The following PTPRM variants were observed in gnomAD, a reference collection of about 807,000 sequenced individuals.
PTPRM encodes the protein receptor-type tyrosine-protein phosphatase mu.
PTPRM carries 47 observed loss-of-function variants against 186.7 expected under a neutral mutation model. The ratio of observed to expected loss-of-function variants is 0.25; its 90% confidence interval spans 0.20 to 0.32. The LOEUF is 0.32. Among genes scored for constraint, PTPRM ranks in the 10% least tolerant of loss-of-function variants. The pLI is 1.00. For missense variants in PTPRM, 1,494 were observed against 1,865.0 expected (o/e 0.80, Z 3.66); for synonymous variants, 668 against 674.9 (o/e 0.99, Z 0.16).
intron 1 of PTPRM, among the ~76,000 whole-genome samples, chr18:7,617,434 C>T (rs553117711): frequency 1.9e-4 from 29 of 152,202 alleles, no homozygotes; most frequent in African/African-American, 6.5e-4. Flanking sequence ...CACCTTTCTC[C>T]TCTGTTAATC....
In PTPRM at chr18:7,650,107, T is replaced by C. The variant is rs542490178; in HGVS notation, c.73+82216T>C. Among the ~76,000 whole-genome samples the C allele has an allele frequency of 4.6e-5, 7 of 152,270 alleles. No individual in the cohort carries two copies. The South Asian group carries it at 1.5e-3, about 32-fold the overall frequency. On this transcript the variant is annotated intron_variant, in intron 1 of 32. Coordinates refer to ENST00000580170, the MANE Select transcript of PTPRM (RefSeq NM_001105244.2). Reference sequence around the variant, plus strand: ...GTATCTGTGCGGATTACTGGTACAGTATTCAGGGGATGCAGAGCTCTTAGA... The same window carrying C: ...GTATCTGTGCGGATTACTGGTACAGCATTCAGGGGATGCAGAGCTCTTAGA...
At chr18:7,659,985 C>T (rs2038941558) in intron 1 of PTPRM, among the ~76,000 whole-genome samples, 1 of 152,148 alleles carries the variant, frequency 6.6e-6, no homozygotes, top group African/African-American at 2.4e-5. Flanking sequence ...CTCCATCCAG[C>T]CTTCTGGAGG....
intron 15 of PTPRM, 145 bp from the exon 16 acceptor site, chr18:8,247,700 A>G: frequency 1.6e-6 from 1 of 613,150 alleles, no homozygotes; most frequent in South Asian, 2.1e-5. Flanking sequence ...AACAACTGGG[A>G]ATGATGATAT....
intron 4 of PTPRM, among the ~76,000 whole-genome samples, chr18:7,911,604 A>G (rs2050266808): frequency 6.6e-6 from 1 of 152,158 alleles, no homozygotes; most frequent in Non-Finnish European, 1.5e-5. Flanking sequence ...AAGAGGTTTT[A>G]TATATCTACA....
chr18:7,583,764 G>A (rs143507234), intron 1 of PTPRM, among the ~76,000 whole-genome samples: 1 of 152,254 alleles, frequency 6.6e-6, no homozygotes, highest in Non-Finnish European at 1.5e-5. Flanking sequence ...AATTTCTTGT[G>A]TTTTCCATCC....
rs568327902 is a variant in PTPRM at position 8,185,144 on chromosome 18, A to C, written c.2300+41365A>C. Among the ~76,000 whole-genome samples, 250 of 146,432 alleles carry C rather than the reference A, an allele frequency of 1.7e-3. 1 individual carries two copies. The highest frequency in any genetic ancestry group is 5.9e-3 in the African/African-American group (233 of 39,476). On this transcript the variant is annotated intron_variant, in intron 14 of 32. Coordinates refer to ENST00000580170, the MANE Select transcript of PTPRM (RefSeq NM_001105244.2). Reference sequence around the variant, plus strand: ...GAATTAAACCCACTAATTTCATCTGATTACTAATTGTTAAAAAAAATAAAA... The same window carrying C: ...GAATTAAACCCACTAATTTCATCTGCTTACTAATTGTTAAAAAAAATAAAA...
intron 14 of PTPRM, among the ~76,000 whole-genome samples, chr18:8,209,578 T>C (rs1213688472): frequency 6.6e-6 from 1 of 152,084 alleles, no homozygotes; most frequent in Admixed American, 6.5e-5. Flanking sequence ...TGGATTTAAT[T>C]GTGTCCCCCC....
intron 4 of PTPRM, among the ~76,000 whole-genome samples, chr18:7,918,962 C>T (rs1160897434): frequency 6.6e-6 from 1 of 152,104 alleles, no homozygotes; most frequent in African/African-American, 2.4e-5. Context: ...TTTGATTTGA[C>T]TTCTGTAGAT....
intron 4 of PTPRM, among the ~76,000 whole-genome samples, chr18:7,919,069 C>T (rs1037703867): frequency 1.3e-5 from 2 of 152,094 alleles, no homozygotes; most frequent in African/African-American, 4.8e-5. Flanking sequence ...TCGTTGTATA[C>T]TCTTAGCACC....
At chr18:7,893,872 G>A (rs1315748836) in intron 3 of PTPRM, among the ~76,000 whole-genome samples, 1 of 152,104 alleles carries the variant, frequency 6.6e-6, no homozygotes, top group Non-Finnish European at 1.5e-5. Context: ...CCTGAATGAG[G>A]TTTCCCAGTT....
intron 7 of PTPRM, among the ~76,000 whole-genome samples, chr18:7,981,825 T>G (rs528404708): frequency 4.6e-5 from 7 of 152,214 alleles, no homozygotes; most frequent in Non-Finnish European, 7.3e-5. Context: ...CTGTATTGAA[T>G]GCTGTAGACT....
chr18:8,149,979 C>G (rs1367575869), intron 14 of PTPRM, among the ~76,000 whole-genome samples: 1 of 152,196 alleles, frequency 6.6e-6, no homozygotes. Context: ...TTGGGCCCCA[C>G]TCTCTTCTGA....
In PTPRM at chr18:8,378,419, GTGA is replaced by G; in HGVS notation, c.3612+8_3612+10del. 6.2e-7 allele frequency: 1 copy of G among 1,613,990 alleles called. No homozygotes were observed. Among genetic ancestry groups the G allele is most frequent in the Non-Finnish European group, 8.5e-7 (1 of 1,179,904 alleles). On this transcript the variant is annotated splice_donor_region_variant and intron_variant, in intron 27 of 32. Coordinates refer to ENST00000580170, the MANE Select transcript of PTPRM (RefSeq NM_001105244.2). ...CAGATTAAAGAGGAATTCCGGGTAA[GTGA>G]TGCCTAAGGGAGGGGCACTGCACGG...
chr18:7,943,810 G>C (rs1053678441), intron 5 of PTPRM, among the ~76,000 whole-genome samples: 1 of 152,008 alleles, frequency 6.6e-6, no homozygotes, highest in African/African-American at 2.4e-5. Context: ...TTGTGATTAC[G>C]TTTGGCCAAC....
At chr18:8,289,064 G>A (rs2094991936) in intron 19 of PTPRM, among the ~76,000 whole-genome samples, 1 of 152,116 alleles carries the variant, frequency 6.6e-6, no homozygotes, top group Non-Finnish European at 1.5e-5. Context: ...CAGTTTTGAG[G>A]CCAAATGGAG....
chr18:7,684,602 G>T (rs1293535161), intron 1 of PTPRM, among the ~76,000 whole-genome samples: 1 of 152,154 alleles, frequency 6.6e-6, no homozygotes, highest in Non-Finnish European at 1.5e-5. Flanking sequence ...TACGCTATTT[G>T]TCCTTTTGTG....
intron 1 of PTPRM, among the ~76,000 whole-genome samples, chr18:7,758,736 A>G (rs1369859577): frequency 1.3e-5 from 2 of 152,180 alleles, no homozygotes; most frequent in African/African-American, 4.8e-5. Context: ...TTAAGGTCTT[A>G]TCTGTATTTC....
At chr18:7,596,353 A>T (rs781665290) in intron 1 of PTPRM, among the ~76,000 whole-genome samples, 32 of 152,156 alleles carry the variant, frequency 2.1e-4, no homozygotes, top group Admixed American at 9.2e-4. Flanking sequence ...ACAACTTATG[A>T]ATCGTTTACT....
At chr18:7,841,152 G>A (rs994076230) in intron 2 of PTPRM, among the ~76,000 whole-genome samples, 1 of 152,036 alleles carries the variant, frequency 6.6e-6, no homozygotes, top group Non-Finnish European at 1.5e-5. Context: ...CCAAAAATGT[G>A]TAATTCAGAA....
Sources: allele counts gnomAD v4.1 joint callset (sites outside exome capture counted in the v4.1 genomes callset), GRCh38; gene constraint gnomAD v4.1.1; transcripts MANE v1.5; gene names NCBI Gene and HGNC (gene_info 2026-07-23, HGNC 2026-07-21).